The following PGBD5 variants were observed in gnomAD, a reference collection of about 807,000 sequenced individuals.
PGBD5 encodes piggyBac transposable element-derived protein 5.
A neutral mutation model predicts 47.9 loss-of-function variants in PGBD5; 14 were observed. The ratio of observed to expected loss-of-function variants is 0.29; its 90% CI spans 0.19 to 0.46. The LOEUF (loss-of-function observed/expected upper bound fraction) is 0.46. PGBD5 is among the 20% of genes least tolerant of loss of function. The pLI is 1.00. For synonymous variants in PGBD5, 316 were observed against 306.3 expected, an observed-to-expected ratio of 1.03 and a Z score of -0.33; for missense variants, 635 against 716.0, an observed-to-expected ratio of 0.89 and a Z score of 1.29.
intron 1 of PGBD5, among the ~76,000 whole-genome samples, chr1:230,358,199 C>A (rs1282643077): frequency 6.6e-6 from 1 of 152,102 alleles, no homozygotes; most frequent in Non-Finnish European, 1.5e-5. Flanking sequence ...CTGCAGACCC[C>A]ACGCTTTCCC....
At chr1:230,389,717 A>C (rs1416161964) in intron 1 of PGBD5, among the ~76,000 whole-genome samples, 1 of 152,216 alleles carries the variant, frequency 6.6e-6, no homozygotes, top group Non-Finnish European at 1.5e-5. Context: ...CCCATAATAT[A>C]AAAAGTAGGT....
intron 1 of PGBD5, among the ~76,000 whole-genome samples, chr1:230,412,655 T>C (rs1426751306): frequency 6.6e-6 from 1 of 152,122 alleles, no homozygotes; most frequent in Non-Finnish European, 1.5e-5. Context: ...CCCAAAGTGC[T>C]GGGATTACAG....
At chr1:230,379,397 A>C (rs1004171592) in intron 1 of PGBD5, among the ~76,000 whole-genome samples, 5 of 152,054 alleles carry the variant, frequency 3.3e-5, no homozygotes, top group African/African-American at 1.2e-4. Context: ...TCCCCTCAGG[A>C]TCTCTTCAGG....
At chr1:230,375,537 T>A (rs1667997907) in intron 1 of PGBD5, among the ~76,000 whole-genome samples, 1 of 152,126 alleles carries the variant, frequency 6.6e-6, no homozygotes. Context: ...ATGCTTCAGA[T>A]GTACAAAGGA....
chr1:230,401,751 G>A (rs1203476690), intron 1 of PGBD5, among the ~76,000 whole-genome samples: 2 of 152,206 alleles, frequency 1.3e-5, no homozygotes, highest in African/African-American at 2.4e-5. Context: ...TAGTCACTGG[G>A]CTTCCTTTCC....
intron 1 of PGBD5, among the ~76,000 whole-genome samples, chr1:230,409,465 T>C (rs1488192788): frequency 3.9e-5 from 6 of 152,230 alleles, no homozygotes; most frequent in African/African-American, 9.6e-5. Context: ...AATGTTCAAC[T>C]GATGAATAAA....
chr1:230,388,944 G>C (rs74146008), intron 1 of PGBD5, among the ~76,000 whole-genome samples: 1 of 152,288 alleles, frequency 6.6e-6, no homozygotes, highest in African/African-American at 2.4e-5. Context: ...GAGCCAGGGG[G>C]GCCCTCAGAC....
At chr1:230,365,490 C>CAT (rs1667813625) in intron 1 of PGBD5, among the ~76,000 whole-genome samples, 3 of 152,084 alleles carry the variant, frequency 2.0e-5, no homozygotes, top group Non-Finnish European at 4.4e-5. Flanking sequence ...ACAAGGCACC[C>CAT]GTACACATAA....
At position 230,419,852 on chromosome 1, in the gene PGBD5, G is replaced by A. The variant is rs114467771; in HGVS notation, c.331+5746C>T. Among the ~76,000 whole-genome samples the A allele has an allele frequency of 1.0e-3, 153 of 152,278 alleles. 1 individual carries two copies. The highest frequency in any genetic ancestry group is 3.5e-3 in the African/African-American group (144 of 41,554). ...TGTAAGCTTAAGCTTCAGGCCAGGC[G>A]TGGTTGCTCACACCTGTAATCTCGG... On this transcript the variant is annotated intron_variant, in intron 1 of 6. Coordinates refer to ENST00000391860, the MANE Select transcript of PGBD5 (RefSeq NM_001258311.2).
chr1:230,327,227 T>A (rs912004658), intron 5 of PGBD5, among the ~76,000 whole-genome samples: 1 of 151,764 alleles, frequency 6.6e-6, no homozygotes, highest in Non-Finnish European at 1.5e-5. Context: ...TTTTTTTTTT[T>A]AAGGCATTGG....
intron 5 of PGBD5, among the ~76,000 whole-genome samples, chr1:230,332,273 G>A (rs550217822): frequency 1.3e-5 from 2 of 152,340 alleles, no homozygotes; most frequent in South Asian, 4.1e-4. Flanking sequence ...CTTTGCAAGG[G>A]CCCCTTTGTC....
intron 1 of PGBD5, among the ~76,000 whole-genome samples, chr1:230,391,133 G>A (rs1656773100): frequency 7.0e-6 from 1 of 143,844 alleles, no homozygotes. Flanking sequence ...TGTCACCGAG[G>A]CAGGACAGTT....
chr1:230,317,371 CA>C lies in PGBD5; in HGVS notation c.*6053del. 1 of 152,302 alleles carries C rather than the reference CA, an allele frequency of 6.6e-6. No homozygotes were observed. Among genetic ancestry groups the C allele is most frequent in the Non-Finnish European group, 1.5e-5 (1 of 68,040 alleles). 9.4% of individuals were successfully genotyped at this position (152,302 alleles called of 1,614,324 possible). ...CTCTCAGAGTGTCACTTTCCCATCA[CA>C]AAAGGGGGACCGATGGTTGTCAGCT... On this transcript the variant is annotated 3_prime_UTR_variant, in exon 7 of 7. Coordinates refer to ENST00000391860, the MANE Select transcript of PGBD5 (RefSeq NM_001258311.2).
rs117651297 is a variant in PGBD5 at position 230,383,969 on chromosome 1, C to T, written c.332-26648G>A. Among the ~76,000 whole-genome samples the T allele has an allele frequency of 7.7e-4, 117 of 152,250 alleles. 3 individuals carry two copies. The East Asian group carries it at 0.019, about 25-fold the overall frequency. On this transcript the variant is annotated intron_variant, in intron 1 of 6. Coordinates refer to ENST00000391860, the MANE Select transcript of PGBD5 (RefSeq NM_001258311.2). Reference sequence around the variant, plus strand: ...CAGGCTCGGTCCTCCCCTGTGACTTCGGGGATAAGCAACAGTGGTGATGGA... The same window carrying T: ...CAGGCTCGGTCCTCCCCTGTGACTTTGGGGATAAGCAACAGTGGTGATGGA...
At chr1:230,367,519 T>C (rs758339173) in intron 1 of PGBD5, among the ~76,000 whole-genome samples, 17 of 151,914 alleles carry the variant, frequency 1.1e-4, no homozygotes, top group East Asian at 5.8e-4. Flanking sequence ...CTGGACAAGA[T>C]AGTGATACCC....
chr1:230,359,223 G>A (rs1349011920), intron 1 of PGBD5, among the ~76,000 whole-genome samples: 1 of 152,000 alleles, frequency 6.6e-6, no homozygotes, highest in South Asian at 2.1e-4. Context: ...CACCACGCCT[G>A]GCTAATTTTT....
chr1:230,397,258 G>A (rs905768082), intron 1 of PGBD5, among the ~76,000 whole-genome samples: 12 of 152,194 alleles, frequency 7.9e-5, no homozygotes, highest in South Asian at 4.1e-4. Flanking sequence ...GCTTTATCAC[G>A]TGGAACTACA....
Position 230,425,761 on chromosome 1 carries a change from CGAG to C in PGBD5, c.165_167del (p.Ser56del). The C allele has an allele frequency of 8.3e-7, 1 of 1,207,216 alleles. No individual in the cohort carries two copies. The highest frequency in any genetic ancestry group is 1.6e-5 in the African/African-American group (1 of 63,430). The allele number at this position is 1,207,216 out of a possible 1,614,324, so 74.8% of individuals were successfully genotyped here. On this transcript the variant is annotated inframe_deletion, in exon 1 of 7. Transcript: ENST00000391860. This position sits in a 1 kb window ranked among gnomAD's most constrained non-coding sequence, Gnocchi z 4.7. ...CGCGCTCGTCGTCCGAGGAGGCGGC[CGAG>C]GAGGAGCGCGAGGCGGCCGAGGTGC... is the stretch of plus-strand genomic sequence containing the variant.
chr1:230,348,992 C>T (rs559481158), intron 3 of PGBD5, among the ~76,000 whole-genome samples: 3 of 152,336 alleles, frequency 2.0e-5, no homozygotes, highest in African/African-American at 4.8e-5. Flanking sequence ...CACGCTGCTG[C>T]AAAACCTCCT....
Sources: allele counts gnomAD v4.1 joint callset (sites outside exome capture counted in the v4.1 genomes callset), GRCh38; gene constraint gnomAD v4.1.1; non-coding constraint Gnocchi (gnomAD v3.1); transcripts MANE v1.5; gene names NCBI Gene and HGNC (gene_info 2026-07-23, HGNC 2026-07-21).